POU2AF1: variants seen among roughly 807,000 people sequenced by gnomAD.
POU2AF1 encodes the protein POU domain class 2-associating factor 1.
A neutral mutation model predicts 26.3 loss-of-function variants in POU2AF1; 12 were observed. The observed-to-expected ratio is 0.46, with a 90% CI of 0.29 to 0.74. The LOEUF (loss-of-function observed/expected upper bound fraction) is 0.74, where lower values mean the gene tolerates loss of function less well. Ranked by LOEUF, POU2AF1 falls within the 30% of genes least tolerant of loss-of-function variation. POU2AF1 has a pLI of 0.09. For missense variants in POU2AF1, 297 were observed against 334.5 expected (o/e 0.89, Z 0.87); for synonymous variants, 175 against 148.0 (o/e 1.18, Z -1.32).
At chr11:111,379,040 AGACCCCCT>A in intron 1 of POU2AF1, 114 bp downstream of exon 1, 1 of 781,224 alleles carries the variant, frequency 1.3e-6, no homozygotes, top group Non-Finnish European at 1.8e-6. Context: ...CTTGGAACCC[AGACCCCCT>A]CCCCCCGTGG....
intron 1 of POU2AF1, chr11:111,364,259 T>C (rs1391952973): frequency 6.6e-6 from 1 of 152,438 alleles, no homozygotes; most frequent in Admixed American, 6.5e-5. Context: ...GTCAGCACCC[T>C]GGCTGCATGT....
At chr11:111,358,758 A>ACT (rs765445668) in intron 2 of POU2AF1, 30 bp downstream of exon 2, 1 of 1,549,588 alleles carries the variant, frequency 6.5e-7, no homozygotes, top group Non-Finnish European at 8.7e-7. Flanking sequence ...ACACACACAC[A>ACT]CTCACACTCT....
Position 111,354,558 on chromosome 11 carries a change from C to T in POU2AF1, c.474G>A (p.Thr158=), listed in dbSNP as rs188428317. ...CCTCCAGCGGGGGCCCCACTGCGGG[C>T]GTGGCGGAGCTTCTTGTCTGTGACA... ...ITNVTTRSSA[T]PAVGPPLEGP... The change falls in exon 5 of 5, where the codon ACG becomes ACA. Residue 158 remains threonine, a synonymous_variant. Transcript: ENST00000393067. The T allele has an allele frequency of 7.2e-6, 11 of 1,529,920 alleles. No individual in the cohort carries two copies. Among genetic ancestry groups the T allele is most frequent in the Admixed American group, 2.3e-5 (1 of 43,420 alleles). The allele number at this position is 1,529,920 out of a possible 1,614,324, so 94.8% of individuals were successfully genotyped here.
chr11:111,375,193 A>G (rs1020209372), intron 1 of POU2AF1, among the ~76,000 whole-genome samples: 1 of 152,214 alleles, frequency 6.6e-6, no homozygotes, highest in Non-Finnish European at 1.5e-5. Context: ...AATACAAACA[A>G]CAACAATAAA....
chr11:111,364,121 G>T, intron 1 of POU2AF1: 1 of 443,380 alleles, frequency 2.3e-6, no homozygotes, highest in Non-Finnish European at 3.0e-6. Flanking sequence ...CAAAAAGTCA[G>T]CAGAGACTAT....
chr11:111,358,436 TCACTCTCACACACA>T (rs1860915304), intron 2 of POU2AF1, among the ~76,000 whole-genome samples: 1 of 56,696 alleles, frequency 1.8e-5, no homozygotes, highest in South Asian at 4.4e-4. Flanking sequence ...ACTCTCACAC[TCACTCTCACACACA>T]CACACTCTCT....
At chr11:111,371,944 AAGAAC>A (rs923543758) in intron 1 of POU2AF1, among the ~76,000 whole-genome samples, 4 of 151,954 alleles carry the variant, frequency 2.6e-5, no homozygotes, top group Non-Finnish European at 5.9e-5. Context: ...AAGGCAAAGA[AAGAAC>A]AGAAGTGTCA....
intron 1 of POU2AF1, chr11:111,359,316 C>T (rs190009541): frequency 1.6e-4 from 40 of 243,222 alleles, no homozygotes; most frequent in African/African-American, 9.0e-4. Flanking sequence ...AATTCCCTCT[C>T]ACTTCTTCCA....
chr11:111,353,954 GAAAA>G lies in POU2AF1; in HGVS notation c.*303_*306del. 1 of 346,684 alleles carries G rather than the reference GAAAA, an allele frequency of 2.9e-6. No homozygotes were observed. Among genetic ancestry groups the G allele is most frequent in the Non-Finnish European group, 5.2e-6 (1 of 192,926 alleles). The allele number at this position is 346,684 out of a possible 1,614,324, so 21.5% of individuals were successfully genotyped here. On this transcript the variant is annotated 3_prime_UTR_variant, in exon 5 of 5. Coordinates refer to ENST00000393067, the MANE Select transcript of POU2AF1 (RefSeq NM_006235.3). The stretch of plus-strand genomic sequence containing the variant: ...GGAAGGAGGGAAGGAAGGGAGGGAG[GAAAA>G]GGAAGGAAGGGGTTGGAAAGGGAGA...
In POU2AF1 at chr11:111,354,192, C is replaced by T; in HGVS notation, c.*69G>A. On this transcript the variant is annotated 3_prime_UTR_variant, in exon 5 of 5. Transcript: ENST00000393067. The stretch of plus-strand genomic sequence containing the variant: ...ATGACTACTCCAAACAAGCATGAAC[C>T]TGGGGCTCAATTCCAGGCTCATTTT... 1 of 1,537,076 alleles carries T rather than the reference C, an allele frequency of 6.5e-7. No homozygotes were observed. The highest frequency in any genetic ancestry group is 8.9e-7 in the Non-Finnish European group (1 of 1,123,852).
At chr11:111,373,531 TA>T (rs1247863540) in intron 1 of POU2AF1, among the ~76,000 whole-genome samples, 1 of 152,258 alleles carries the variant, frequency 6.6e-6, no homozygotes, top group Non-Finnish European at 1.5e-5. Flanking sequence ...CTTCTGATTT[TA>T]AACTTTAATT....
intron 1 of POU2AF1, among the ~76,000 whole-genome samples, chr11:111,361,117 C>A (rs1860999161): frequency 6.6e-6 from 1 of 152,130 alleles, no homozygotes; most frequent in Non-Finnish European, 1.5e-5. Flanking sequence ...GGTATTCATT[C>A]ATTTTTTCAA....
At chr11:111,375,116 A>G (rs1861282888) in intron 1 of POU2AF1, among the ~76,000 whole-genome samples, 1 of 152,234 alleles carries the variant, frequency 6.6e-6, no homozygotes, top group Non-Finnish European at 1.5e-5. Context: ...ACAGGACACC[A>G]AGACAATCAG....
intron 1 of POU2AF1, among the ~76,000 whole-genome samples, chr11:111,374,476 C>T (rs1861272033): frequency 6.6e-6 from 1 of 152,316 alleles, no homozygotes; most frequent in African/African-American, 2.4e-5. Flanking sequence ...GCAGGTGGAT[C>T]ACTCGAGGTC....
rs150232309 is a variant in POU2AF1 at position 111,365,577 on chromosome 11, C to G, written c.17-6659G>C. ...GATTTTCTCTTTATTTGTAGCAAAA[C>G]TAATCAAACAATAGGAATTCAAGAC... On this transcript the variant is annotated intron_variant, in intron 1 of 4. Coordinates refer to ENST00000393067, the MANE Select transcript of POU2AF1 (RefSeq NM_006235.3). 7.8e-3 allele frequency among the ~76,000 whole-genome samples: 1,189 copies of G among 152,282 alleles called. 14 individuals carry two copies. The highest frequency in any genetic ancestry group is 0.037 in the Middle Eastern group (11 of 294).
At chr11:111,368,545 G>A (rs147864910) in intron 1 of POU2AF1, among the ~76,000 whole-genome samples, 1 of 152,276 alleles carries the variant, frequency 6.6e-6, no homozygotes, top group African/African-American at 2.4e-5. Flanking sequence ...ATCCAAATCT[G>A]CAGAGGCTTT....
At chr11:111,354,597 C>T in intron 4 of POU2AF1, 22 bp from the exon 5 acceptor site, 1 of 1,497,550 alleles carries the variant, frequency 6.7e-7, no homozygotes, top group Non-Finnish European at 8.9e-7. Context: ...AAACACGTGA[C>T]AGAGGGTTAG....
rs2135109869 is a variant in POU2AF1 at position 111,357,518 on chromosome 11, C to T, written c.383G>A (p.Cys128Tyr). The stretch of plus-strand genomic sequence containing the variant: ...GGGCCCCACCACCGTGTAGCTGGGG[C>T]ACACGGGCTGCACATACATGTCAGC... ...YSADMYVQPV[C>Y]PSYTVVGPSS... Residue 128 changes from cysteine to tyrosine, a missense_variant, in exon 4 of 5, where the codon TGC becomes TAC. Coordinates refer to ENST00000393067, the MANE Select transcript of POU2AF1 (RefSeq NM_006235.3). 1 of 1,614,126 alleles carries T rather than the reference C, an allele frequency of 6.2e-7. No individual in the cohort carries two copies. The highest frequency in any genetic ancestry group is 8.5e-7 in the Non-Finnish European group (1 of 1,180,000).
chr11:111,378,342 TA>T (rs1470769129), intron 1 of POU2AF1, among the ~76,000 whole-genome samples: 21 of 152,278 alleles, frequency 1.4e-4, no homozygotes, highest in African/African-American at 4.3e-4. Context: ...CTTGAGGAAG[TA>T]TAGAACTAGC....
Sources: gnomAD v4.1 joint callset for allele counts (sites outside exome capture counted in the v4.1 genomes callset) on GRCh38, gnomAD v4.1.1 for gene constraint, MANE v1.5 for transcripts, NCBI Gene and HGNC (gene_info 2026-07-23, HGNC 2026-07-21) for gene names.